Variants in NDST3 observed in about 807,000 individuals in gnomAD.
NDST3 encodes N-deacetylase and N-sulfotransferase 3.
A neutral mutation model predicts 96.1 loss-of-function variants in NDST3; 58 were observed. The observed-to-expected ratio is 0.60, with a 90% CI of 0.49 to 0.75. The LOEUF (loss-of-function observed/expected upper bound fraction) is 0.75, where lower values mean the gene tolerates loss of function less well. Ranked by LOEUF, NDST3 falls within the 30% of genes least tolerant of loss-of-function variation. The pLI, the probability that NDST3 is intolerant of heterozygous loss-of-function variation, is 0.00. For missense variants in NDST3, 788 were observed against 1,034.2 expected (o/e 0.76, Z 3.27); for synonymous variants, 333 against 359.7 (o/e 0.93, Z 0.84).
intron 6 of NDST3, 141 bp from the exon 7 acceptor site, chr4:118,224,350 A>G: frequency 1.7e-6 from 1 of 588,920 alleles, no homozygotes; most frequent in Non-Finnish European, 2.8e-6. Context: ...TTTGAGGGAC[A>G]TGTCCCAAAT....
At chr4:118,059,148 T>C (rs562283759) in intron 2 of NDST3, among the ~76,000 whole-genome samples, 8 of 152,184 alleles carry the variant, frequency 5.3e-5, no homozygotes, top group East Asian at 1.9e-4. Flanking sequence ...TTCCTAACAT[T>C]CTTCGGAAAA....
chr4:118,200,385 CA>C (rs761891458), intron 6 of NDST3, among the ~76,000 whole-genome samples: 6 of 152,162 alleles, frequency 3.9e-5, no homozygotes, highest in East Asian at 1.9e-4. Context: ...CCTTTAGGCT[CA>C]AGGGCTCTTC....
At chr4:118,095,084 T>TA (rs1053673383) in intron 2 of NDST3, among the ~76,000 whole-genome samples, 2 of 151,410 alleles carry the variant, frequency 1.3e-5, no homozygotes, top group African/African-American at 4.9e-5. Context: ...GGTGAAATTT[T>TA]AAAAAAAAGA....
intron 12 of NDST3, 134 bp downstream of exon 12, chr4:118,242,283 C>CA (rs1741056089): frequency 2.0e-6 from 1 of 511,566 alleles, no homozygotes; most frequent in South Asian, 3.5e-5. Context: ...ACATTAACCA[C>CA]GGAAAAAAAA....
intron 6 of NDST3, among the ~76,000 whole-genome samples, chr4:118,148,753 A>C (rs959675243): frequency 2.6e-5 from 4 of 152,222 alleles, no homozygotes; most frequent in South Asian, 2.1e-4. Flanking sequence ...GAAAGGAAAT[A>C]ATACATTGAC....
chr4:118,188,316 T>C (rs1737100680), intron 6 of NDST3, among the ~76,000 whole-genome samples: 1 of 148,142 alleles, frequency 6.8e-6, no homozygotes, highest in South Asian at 2.1e-4. Context: ...TAATATATAA[T>C]ATATTAATAA....
In NDST3 at chr4:118,226,815, G is replaced by T. The variant is rs1379343833; in HGVS notation, c.1723-71G>T. On this transcript the variant is annotated intron_variant, in intron 7 of 13. Coordinates refer to ENST00000296499, the MANE Select transcript of NDST3 (RefSeq NM_004784.3). Reference sequence around the variant, plus strand: ...CCTGGTATACTTTTAAAGAACACAAGTTGGAAAAGCTGGCACACAATGGAC... The same window carrying T: ...CCTGGTATACTTTTAAAGAACACAATTTGGAAAAGCTGGCACACAATGGAC... 7.6e-6 allele frequency: 8 copies of T among 1,058,198 alleles called. No homozygotes were observed. In the African/African-American group the frequency reaches 8.0e-5, roughly 11 times the overall value. 65.6% of individuals were successfully genotyped at this position (1,058,198 alleles called of 1,614,324 possible).
chr4:118,175,240 C>G (rs926087531), intron 6 of NDST3, among the ~76,000 whole-genome samples: 3 of 151,968 alleles, frequency 2.0e-5, no homozygotes, highest in Admixed American at 6.6e-5. Flanking sequence ...GCCAGTATTC[C>G]CAAGTAAACT....
intron 3 of NDST3, among the ~76,000 whole-genome samples, chr4:118,114,158 A>G (rs1049735619): frequency 5.9e-5 from 9 of 152,154 alleles, no homozygotes; most frequent in African/African-American, 2.2e-4. Flanking sequence ...CATATGGAAC[A>G]CAAGTGTACC....
chr4:118,077,304 T>A (rs1048090410), intron 2 of NDST3, among the ~76,000 whole-genome samples: 4 of 152,270 alleles, frequency 2.6e-5, no homozygotes, highest in Admixed American at 6.5e-5. Flanking sequence ...TGCACATGCG[T>A]CAGTTGGGGT....
At chr4:118,096,487 T>C (rs938826701) in intron 2 of NDST3, among the ~76,000 whole-genome samples, 1 of 151,718 alleles carries the variant, frequency 6.6e-6, no homozygotes, top group African/African-American at 2.4e-5. Context: ...CTAAGAAAAA[T>C]AAAATTAATA....
At chr4:118,123,669 TC>T (rs1446832075) in intron 4 of NDST3, among the ~76,000 whole-genome samples, 1 of 152,146 alleles carries the variant, frequency 6.6e-6, no homozygotes, top group African/African-American at 2.4e-5. Context: ...TTTTGAGTAT[TC>T]TCACAAAAGC....
intron 2 of NDST3, among the ~76,000 whole-genome samples, chr4:118,077,082 A>G (rs1290410951): frequency 6.6e-6 from 1 of 152,228 alleles, no homozygotes; most frequent in Admixed American, 6.5e-5. Context: ...CTTGGGCTAC[A>G]TGCTCTAACT....
intron 4 of NDST3, among the ~76,000 whole-genome samples, chr4:118,122,246 G>C (rs1047632895): frequency 6.6e-6 from 1 of 152,096 alleles, no homozygotes; most frequent in South Asian, 2.1e-4. Context: ...GGGTGGGGGA[G>C]GTCTATTTCC....
In NDST3 at chr4:118,064,053, C is replaced by T. The variant is rs1431197256; in HGVS notation, c.981+9162C>T. ...CTGGAACAAAAATTAGTATTAGTCA[C>T]TTCTTGAAATGTCTTGGGCTGAAAT... is the stretch of plus-strand genomic sequence containing the variant. On this transcript the variant is annotated intron_variant, in intron 2 of 13. Coordinates refer to ENST00000296499, the MANE Select transcript of NDST3 (RefSeq NM_004784.3). Among the ~76,000 whole-genome samples the T allele has an allele frequency of 2.0e-5, 3 of 152,154 alleles. No individual in the cohort carries two copies. In the East Asian group the frequency reaches 5.8e-4, roughly 29 times the overall value.
intron 2 of NDST3, among the ~76,000 whole-genome samples, chr4:118,084,858 C>T (rs573552764): frequency 6.6e-5 from 10 of 152,254 alleles, no homozygotes; most frequent in Admixed American, 2.6e-4. Flanking sequence ...CGGTGGCTCA[C>T]GCCTGTAATC....
chr4:118,081,237 T>C lies in NDST3; in HGVS notation c.982-23781T>C, dbSNP rs768351696. Among the ~76,000 whole-genome samples, 209 of 152,204 alleles carry C rather than the reference T, an allele frequency of 1.4e-3. 1 individual carries two copies. Among genetic ancestry groups the C allele is most frequent in the Non-Finnish European group, 8.5e-4 (58 of 68,026 alleles). Reference sequence around the variant, plus strand: ...CTAAAGTTCGAGAACCCATATCTTTTATGGCATAAATTGGATACTCATATA... The same window carrying C: ...CTAAAGTTCGAGAACCCATATCTTTCATGGCATAAATTGGATACTCATATA... On this transcript the variant is annotated intron_variant, in intron 2 of 13. Transcript: ENST00000296499.
At chr4:118,197,146 T>C (rs1440478298) in intron 6 of NDST3, among the ~76,000 whole-genome samples, 1 of 151,964 alleles carries the variant, frequency 6.6e-6, no homozygotes, top group Non-Finnish European at 1.5e-5. Context: ...GTTTGTATAG[T>C]TTTCAAAATT....
At chr4:118,063,800 A>G (rs1553926564) in intron 2 of NDST3, among the ~76,000 whole-genome samples, 1 of 152,158 alleles carries the variant, frequency 6.6e-6, no homozygotes, top group Non-Finnish European at 1.5e-5. Flanking sequence ...TCTTACAACT[A>G]GTAAGTGGCA....
Sources: gnomAD v4.1 joint callset for allele counts (sites outside exome capture counted in the v4.1 genomes callset) on GRCh38, gnomAD v4.1.1 for gene constraint, MANE v1.5 for transcripts, NCBI Gene and HGNC (gene_info 2026-07-23, HGNC 2026-07-21) for gene names.